Variants in DPP10 observed in about 807,000 individuals in gnomAD.
The protein encoded by DPP10 is dipeptidyl peptidase like 10.
In DPP10, 33 loss-of-function variants were observed where a neutral mutation model predicts 120.9. That is an observed-to-expected ratio of 0.27 (90% CI 0.21 to 0.37). The LOEUF (loss-of-function observed/expected upper bound fraction) is 0.37. Among genes scored for constraint, DPP10 ranks in the 10% least tolerant of loss-of-function variants. The pLI is 1.00. For synonymous variants in DPP10, 337 were observed against 326.1 expected (o/e 1.03, Z -0.36); for missense variants, 816 against 942.8 (o/e 0.87, Z 1.76).
chr2:115,181,010 A>T (rs952915780), intron 1 of DPP10, among the ~76,000 whole-genome samples: 1 of 152,260 alleles, frequency 6.6e-6, no homozygotes, highest in African/African-American at 2.4e-5. Flanking sequence ...TACGTCACTT[A>T]GTGAACACAT....
intron 3 of DPP10, among the ~76,000 whole-genome samples, chr2:115,412,271 C>T (rs1190236347): frequency 6.6e-6 from 1 of 152,134 alleles, no homozygotes; most frequent in African/African-American, 2.4e-5. Context: ...CTGCTACCAG[C>T]ATTGATCAAA....
intron 3 of DPP10, among the ~76,000 whole-genome samples, chr2:115,353,104 C>G (rs1181396428): frequency 6.6e-6 from 1 of 151,928 alleles, no homozygotes; most frequent in Admixed American, 6.6e-5. Context: ...TTAGGTGATC[C>G]ATTTCTGGGT....
chr2:114,587,524 G>T (rs1364480073), intron 1 of DPP10, among the ~76,000 whole-genome samples: 1 of 151,726 alleles, frequency 6.6e-6, no homozygotes, highest in African/African-American at 2.4e-5. Context: ...TTATCAAGCT[G>T]CAGACAAAGC....
intron 1 of DPP10, among the ~76,000 whole-genome samples, chr2:114,985,274 C>G (rs967176803): frequency 6.6e-6 from 1 of 152,110 alleles, no homozygotes; most frequent in African/African-American, 2.4e-5. Flanking sequence ...ATGCCTGGCT[C>G]AGTCTCACTC....
In DPP10 at chr2:114,883,466, C is replaced by T. The variant is rs180694967; in HGVS notation, c.61-425773C>T. ...TCCAGTAAGCAGCTAGACTTTTATTCTCATTGAGCTAGGAATGCATATGAA... is the reference window on the plus strand; with the variant it reads ...TCCAGTAAGCAGCTAGACTTTTATTTTCATTGAGCTAGGAATGCATATGAA... On this transcript the variant is annotated intron_variant, in intron 1 of 25. Coordinates refer to ENST00000410059, the MANE Select transcript of DPP10 (RefSeq NM_020868.6). 2.2e-3 allele frequency among the ~76,000 whole-genome samples: 329 copies of T among 152,306 alleles called. 2 individuals carry two copies. The highest frequency in any genetic ancestry group is 7.6e-3 in the African/African-American group (317 of 41,572).
chr2:115,255,472 A>G (rs1289690152), intron 1 of DPP10, among the ~76,000 whole-genome samples: 5 of 152,300 alleles, frequency 3.3e-5, no homozygotes, highest in Middle Eastern at 6.8e-3. Flanking sequence ...TTTCTTGGTA[A>G]TTAACACTCT....
chr2:115,093,916 A>C (rs190146872), intron 1 of DPP10, among the ~76,000 whole-genome samples: 1 of 152,268 alleles, frequency 6.6e-6, no homozygotes, highest in African/African-American at 2.4e-5. Flanking sequence ...TAACATTAAA[A>C]AAACTATTTT....
intron 1 of DPP10, chr2:115,162,087 C>T: frequency 6.7e-7 from 1 of 1,492,912 alleles, no homozygotes; most frequent in Non-Finnish European, 8.9e-7. Flanking sequence ...GTGCGCGCTC[C>T]GCCCGCCTCC....
intron 3 of DPP10, among the ~76,000 whole-genome samples, chr2:115,387,469 C>G (rs532441943): frequency 6.6e-6 from 1 of 152,114 alleles, no homozygotes; most frequent in Non-Finnish European, 1.5e-5. Flanking sequence ...ATTATCATAT[C>G]AAAGCAAAGT....
At chr2:115,205,409 C>T (rs184609540) in intron 1 of DPP10, among the ~76,000 whole-genome samples, 64 of 152,080 alleles carry the variant, frequency 4.2e-4, no homozygotes, top group African/African-American at 1.4e-3. Context: ...TTTAGGTGTG[C>T]GGTGCGGCTT....
intron 1 of DPP10, among the ~76,000 whole-genome samples, chr2:115,287,182 A>T (rs1243310612): frequency 6.6e-6 from 1 of 152,132 alleles, no homozygotes; most frequent in Non-Finnish European, 1.5e-5. Context: ...GAAGCAGTGG[A>T]GGCTTTTGCT....
intron 1 of DPP10, among the ~76,000 whole-genome samples, chr2:114,517,048 G>T (rs1684649993): frequency 6.6e-6 from 1 of 151,508 alleles, no homozygotes; most frequent in Admixed American, 6.6e-5. Flanking sequence ...CTAACTTTAG[G>T]GTATTCTGTA....
intron 3 of DPP10, among the ~76,000 whole-genome samples, chr2:115,469,898 A>C (rs1009470350): frequency 1.4e-5 from 2 of 142,298 alleles, no homozygotes; most frequent in Non-Finnish European, 3.1e-5. Flanking sequence ...AAAAAAAAAA[A>C]AGAAAAAAAA....
chr2:115,547,513 C>T (rs2079584509), intron 5 of DPP10, among the ~76,000 whole-genome samples: 2 of 152,152 alleles, frequency 1.3e-5, no homozygotes, highest in Admixed American at 1.3e-4. Flanking sequence ...GTGGCTCACG[C>T]CTGTAATCCC....
intron 1 of DPP10, among the ~76,000 whole-genome samples, chr2:114,557,703 G>T (rs1224176321): frequency 1.3e-5 from 2 of 152,172 alleles, no homozygotes; most frequent in Non-Finnish European, 1.5e-5. Context: ...AAGTTATCAT[G>T]GATATGTACA....
intron 1 of DPP10, among the ~76,000 whole-genome samples, chr2:115,287,644 G>A (rs1212532711): frequency 2.0e-5 from 3 of 152,066 alleles, no homozygotes; most frequent in African/African-American, 4.8e-5. Context: ...TTATGGCTGA[G>A]TAGTTTTCCA....
chr2:115,178,731 T>C (rs182259648), intron 1 of DPP10, among the ~76,000 whole-genome samples: 1 of 152,330 alleles, frequency 6.6e-6, no homozygotes, highest in Non-Finnish European at 1.5e-5. Flanking sequence ...TCCACTTCAA[T>C]GCTATATCTG....
intron 4 of DPP10, among the ~76,000 whole-genome samples, chr2:115,522,335 T>C (rs1004880430): frequency 6.6e-6 from 1 of 152,264 alleles, no homozygotes; most frequent in East Asian, 1.9e-4. Flanking sequence ...GTTCATGACA[T>C]GCATCTTATC....
chr2:114,851,931 A>T (rs1255327227), intron 1 of DPP10, among the ~76,000 whole-genome samples: 1 of 151,922 alleles, frequency 6.6e-6, no homozygotes, highest in Non-Finnish European at 1.5e-5. Context: ...AGTTTTTTTC[A>T]TGAAAATCTG....
Sources: allele counts gnomAD v4.1 joint callset (sites outside exome capture counted in the v4.1 genomes callset), GRCh38; gene constraint gnomAD v4.1.1; transcripts MANE v1.5; gene names NCBI Gene and HGNC (gene_info 2026-07-23, HGNC 2026-07-21).